Variants in ERGIC3 observed in about 807,000 individuals in gnomAD.
ERGIC3 encodes ERGIC and golgi 3, also known as endoplasmic reticulum-Golgi intermediate compartment protein 3.
ERGIC3 carries 33 observed loss-of-function variants against 54.7 expected under a neutral mutation model. That is an observed-to-expected ratio of 0.60 (90% CI 0.46 to 0.81). The LOEUF (loss-of-function observed/expected upper bound fraction) is 0.81, where lower values mean the gene tolerates loss of function less well. Ranked by LOEUF, ERGIC3 falls within the 30% of genes least tolerant of loss-of-function variation. ERGIC3 has a pLI of 0.00. For missense variants in ERGIC3, 399 were observed against 488.4 expected, an observed-to-expected ratio of 0.82 and a Z score of 1.73; for synonymous variants, 186 against 189.8, an observed-to-expected ratio of 0.98 and a Z score of 0.16.
chr20:35,553,395 G>A (rs1048979936), intron 7 of ERGIC3, among the ~76,000 whole-genome samples: 3 of 151,956 alleles, frequency 2.0e-5, no homozygotes, highest in African/African-American at 4.8e-5. Flanking sequence ...GAAGATAGTC[G>A]CACGTTGAGG....
rs768250011 is a variant in ERGIC3, at chr20:35,542,169, C to G, written c.72C>G (p.Thr24=). 2 of 1,579,682 alleles carry G rather than the reference C, an allele frequency of 1.3e-6. No individual in the cohort carries two copies. The highest frequency in any genetic ancestry group is 3.6e-5 in the Admixed American group (2 of 55,818). Residue 24 remains threonine, a synonymous_variant, in exon 1 of 13, where the codon ACC becomes ACG. Transcript: ENST00000348547. ...CTTTGGAGGACTTCCGGGTCAAGAC[C>G]TGCGGGGGCGCCACCGGTAGGCCGC... is the stretch of plus-strand genomic sequence containing the variant. ...PKTLEDFRVK[T]CGGATVTIVS...
chr20:35,556,720 A>C, intron 10 of ERGIC3: 2 of 577,722 alleles, frequency 3.5e-6, no homozygotes, highest in East Asian at 6.0e-5. Context: ...GACCCCCGTG[A>C]GAACACCCAC....
chr20:35,543,600 G>A lies in ERGIC3; in HGVS notation c.367+659G>A, dbSNP rs143478136. 3.3e-4 allele frequency: 154 copies of A among 470,968 alleles called. 2 individuals carry two copies. Among genetic ancestry groups the A allele is most frequent in the African/African-American group, 2.6e-3 (128 of 50,150 alleles). 29.2% of individuals were successfully genotyped at this position (470,968 alleles called of 1,614,324 possible). ...CCACAGCAAACTGTCCTCAAAGCTG[G>A]GATTTCTAACACCTTAGAGATTACT... is the stretch of plus-strand genomic sequence containing the variant. On this transcript the variant is annotated intron_variant, in intron 4 of 12. Transcript: ENST00000348547.
rs758951571 is a variant in ERGIC3 at position 35,542,405 on chromosome 20, G to A, written c.159+12G>A. ...ACCTCACCACGGAGGTAAGGGGCGGGGCTTAGTGCGTGGGCGGGGCTTGGC... is the reference window on the plus strand; with the variant it reads ...ACCTCACCACGGAGGTAAGGGGCGGAGCTTAGTGCGTGGGCGGGGCTTGGC... On this transcript the variant is annotated intron_variant, in intron 2 of 12. Coordinates refer to ENST00000348547, the MANE Select transcript of ERGIC3 (RefSeq NM_015966.3). 1 of 1,613,964 alleles carries A rather than the reference G, an allele frequency of 6.2e-7. No homozygotes were observed. The highest frequency in any genetic ancestry group is 1.1e-5 in the South Asian group (1 of 91,082).
chr20:35,554,971 G>C (rs751432679), intron 7 of ERGIC3, 73 bp from the exon 8 acceptor site: 4 of 1,562,900 alleles, frequency 2.6e-6, no homozygotes, highest in Non-Finnish European at 3.5e-6. Context: ...TGCAGTCCAG[G>C]GGGAGGAAGG....
At position 35,542,345 on chromosome 20, in the gene ERGIC3, C is replaced by T; in HGVS notation, c.111C>T (p.Leu37=). The T allele has an allele frequency of 6.2e-7, 1 of 1,614,024 alleles. No individual in the cohort carries two copies. The highest frequency in any genetic ancestry group is 8.5e-7 in the Non-Finnish European group (1 of 1,180,024). The change falls in exon 2 of 13, where the codon CTC becomes CTT. Residue 37 remains leucine, a synonymous_variant. Transcript: ENST00000348547. The part of the protein sequence containing the change: ...GATVTIVSGL[L]MLLLFLSELQ... Reference sequence around the variant, plus strand: ...CAGTGACCATTGTCAGTGGCCTTCTCATGCTGCTACTGTTCCTGTCCGAGC... The same window carrying T: ...CAGTGACCATTGTCAGTGGCCTTCTTATGCTGCTACTGTTCCTGTCCGAGC...
rs200394220 is a variant in ERGIC3, at chr20:35,542,093, T to A, written c.-5T>A. On this transcript the variant is annotated 5_prime_UTR_variant, in exon 1 of 13. Transcript: ENST00000348547. Reference sequence around the variant, plus strand: ...CGGCTGGCGTCCCCTTTCCGGCCGGTCCCCATGGAGGCGCTGGGGAAGCTG... The same window carrying A: ...CGGCTGGCGTCCCCTTTCCGGCCGGACCCCATGGAGGCGCTGGGGAAGCTG... 641 of 1,530,724 alleles carry A rather than the reference T, an allele frequency of 4.2e-4. 2 individuals carry two copies. The African/African-American group carries it at 8.0e-3, about 19-fold the overall frequency. The allele number at this position is 1,530,724 out of a possible 1,614,324, so 94.8% of individuals were successfully genotyped here.
At chr20:35,544,025 TC>T in intron 4 of ERGIC3, 1 of 204,626 alleles carries the variant, frequency 4.9e-6, no homozygotes, top group Non-Finnish European at 9.9e-6. Flanking sequence ...TATCTATCTA[TC>T]TATCTATCTA....
Position 35,556,990 on chromosome 20 carries a change from G to A in ERGIC3, c.897G>A (p.Gln299=). The A allele has an allele frequency of 6.2e-7, 1 of 1,614,236 alleles. No homozygotes were observed. The highest frequency in any genetic ancestry group is 1.1e-5 in the South Asian group (1 of 91,086). Residue 299 remains glutamine (Q), a synonymous_variant, in exon 11 of 13, where the codon CAG becomes CAA. Coordinates refer to ENST00000348547, the MANE Select transcript of ERGIC3 (RefSeq NM_015966.3). The stretch of plus-strand genomic sequence containing the variant: ...CACCCCAGGTACTGAGGACAAATCA[G>A]TTCTCTGTGACCAGACATGAGAAGG... The part of the protein sequence containing the change: ...KVDGEVLRTN[Q]FSVTRHEKVA...
intron 7 of ERGIC3, chr20:35,549,069 A>G (rs750224793): frequency 4.4e-6 from 3 of 689,146 alleles, no homozygotes; most frequent in Non-Finnish European, 8.1e-6. Flanking sequence ...CCAGTTTCAG[A>G]CCTTACTGGC....
rs1294780046 is a variant in ERGIC3, at chr20:35,548,820, T to C, written c.640T>C (p.Phe214Leu). 6.2e-7 allele frequency: 1 copy of C among 1,614,240 alleles called. No individual in the cohort carries two copies. Among genetic ancestry groups the C allele is most frequent in the Non-Finnish European group, 8.5e-7 (1 of 1,180,038 alleles). Residue 214 changes from phenylalanine (F) to leucine (L), a missense_variant, in exon 7 of 13, where the codon TTC (phenylalanine) becomes CTC (leucine). Phe to Leu is a conservative substitution (Grantham distance 22). Coordinates refer to ENST00000348547, the MANE Select transcript of ERGIC3 (RefSeq NM_015966.3). ...FLEVNKVAGN[F>L]HFAPGKSFQQ... ...ATGTTCCTTACAGGTGGCCGGAAAC[T>C]TCCACTTTGCCCCTGGGAAGAGCTT...
Position 35,556,975 on chromosome 20 carries a change from A to C in ERGIC3, c.882A>C (p.Val294=). ...CCCAGGCTCCCCTCCCACCCCAGGT[A>C]CTGAGGACAAATCAGTTCTCTGTGA... ...PTVYMKVDGE[V]LRTNQFSVTR... Residue 294 remains valine, a splice_region_variant and synonymous_variant, in exon 11 of 13, where the codon GTA becomes GTC. Coordinates refer to ENST00000348547, the MANE Select transcript of ERGIC3 (RefSeq NM_015966.3). 3 of 1,614,000 alleles carry C rather than the reference A, an allele frequency of 1.9e-6. No individual in the cohort carries two copies. The highest frequency in any genetic ancestry group is 2.5e-6 in the Non-Finnish European group (3 of 1,179,964).
At chr20:35,544,057 TC>T (rs2064633765) in intron 4 of ERGIC3, 1 of 219,708 alleles carries the variant, frequency 4.6e-6, no homozygotes, top group African/African-American at 2.3e-5. Flanking sequence ...TATCTATCTA[TC>T]TATCTGTCTA....
intron 4 of ERGIC3, among the ~76,000 whole-genome samples, chr20:35,545,885 A>G (rs2064646235): frequency 6.6e-6 from 1 of 152,224 alleles, no homozygotes; most frequent in African/African-American, 2.4e-5. Flanking sequence ...AGGAGTTATC[A>G]GCAGGTACAG....
In ERGIC3 at chr20:35,557,520, CCT is replaced by C. The variant is rs1601370212; in HGVS notation, c.*19_*20del. On this transcript the variant is annotated 3_prime_UTR_variant, in exon 13 of 13. Coordinates refer to ENST00000348547, the MANE Select transcript of ERGIC3 (RefSeq NM_015966.3). ...GACAACGTAGTCACCCTCGGTGCTTCCTCTGTCTCCTCTTTCTCCCTGGCCTG... is the reference window on the plus strand; with the variant it reads ...GACAACGTAGTCACCCTCGGTGCTTCCTGTCTCCTCTTTCTCCCTGGCCTG... 1 of 1,610,252 alleles carries C rather than the reference CCT, an allele frequency of 6.2e-7. No homozygotes were observed. The highest frequency in any genetic ancestry group is 2.2e-5 in the East Asian group (1 of 44,870).
intron 4 of ERGIC3, among the ~76,000 whole-genome samples, chr20:35,546,100 G>A (rs920487271): frequency 2.6e-5 from 4 of 152,200 alleles, no homozygotes; most frequent in Admixed American, 2.0e-4. Context: ...GTGAGCAGTT[G>A]TATCAGAAGC....
At chr20:35,548,937 C>T in intron 7 of ERGIC3, 72 bp downstream of exon 7, 16 of 1,549,604 alleles carry the variant, frequency 1.0e-5, no homozygotes, top group Non-Finnish European at 1.4e-5. Flanking sequence ...TGGTCCTCTT[C>T]TGCCTGCTGC....
intron 5 of ERGIC3, 84 bp downstream of exon 5, chr20:35,547,589 G>T: frequency 7.8e-7 from 1 of 1,283,484 alleles, no homozygotes; most frequent in Non-Finnish European, 1.1e-6. Flanking sequence ...TGTGGCAGGT[G>T]GGGAGGTCAG....
intron 10 of ERGIC3, 88 bp downstream of exon 10, chr20:35,556,359 A>G: frequency 7.1e-7 from 1 of 1,400,672 alleles, no homozygotes; most frequent in East Asian, 2.3e-5. Flanking sequence ...TGGGGAGTGA[A>G]AGCTGCCTCG....
Sources: allele counts gnomAD v4.1 joint callset (sites outside exome capture counted in the v4.1 genomes callset), GRCh38; gene constraint gnomAD v4.1.1; transcripts MANE v1.5; gene names NCBI Gene and HGNC (gene_info 2026-07-23, HGNC 2026-07-21).